The following AGAP1 variants were observed in gnomAD, a reference collection of about 807,000 sequenced individuals.
AGAP1 encodes ArfGAP with GTPase domain, ankyrin repeat and PH domain 1.
Under a neutral mutation model 105.3 loss-of-function variants are expected in AGAP1, and 29 were observed. The ratio of observed to expected loss-of-function variants is 0.28; its 90% CI spans 0.21 to 0.38. The LOEUF is 0.38. Ranked by LOEUF, AGAP1 falls within the 10% of genes least tolerant of loss-of-function variation. AGAP1 has a pLI of 1.00. For missense variants in AGAP1, 998 were observed against 1,165.1 expected, an observed-to-expected ratio of 0.86 and a Z score of 2.09; for synonymous variants, 509 against 485.9, an observed-to-expected ratio of 1.05 and a Z score of -0.63.
intron 11 of AGAP1, among the ~76,000 whole-genome samples, chr2:235,912,397 A>G (rs2125062000): frequency 6.6e-6 from 1 of 152,232 alleles, no homozygotes; most frequent in South Asian, 2.1e-4. Context: ...GGTATTAGAG[A>G]GCTGTTTTTG....
At chr2:235,926,642 A>G (rs756259596) in intron 11 of AGAP1, among the ~76,000 whole-genome samples, 12 of 152,232 alleles carry the variant, frequency 7.9e-5, no homozygotes, top group Non-Finnish European at 1.8e-4. Flanking sequence ...GTGATCTCAA[A>G]TATAGTGAAT....
intron 1 of AGAP1, among the ~76,000 whole-genome samples, chr2:235,572,424 T>C (rs376179795): frequency 6.6e-6 from 1 of 152,130 alleles, no homozygotes; most frequent in African/African-American, 2.4e-5. Context: ...GGGGGTGATA[T>C]CCATCAGCAG....
Position 235,808,396 on chromosome 2 carries a change from G to A in AGAP1, c.1050+1065G>A, listed in dbSNP as rs534087180. On this transcript the variant is annotated intron_variant, in intron 9 of 17. Coordinates refer to ENST00000304032, the MANE Select transcript of AGAP1 (RefSeq NM_001037131.3). ...GAGAGTCTTTCCACACATGGAGTTG[G>A]ATTATTCTGGTGGTGCAGGTTTCGT... Among the ~76,000 whole-genome samples the A allele has an allele frequency of 3.3e-5, 5 of 152,334 alleles. No homozygotes were observed. In the South Asian group the frequency reaches 1.0e-3, roughly 32 times the overall value.
At position 235,544,478 on chromosome 2, in the gene AGAP1, G is replaced by A. The variant is rs541692011; in HGVS notation, c.163+49629G>A. On this transcript the variant is annotated intron_variant, in intron 1 of 17. Transcript: ENST00000304032. ...TTAGGCTGAGCATCTGAACCTTCCCGTGGTCCGTGTGGCTGGAAGGAGGCT... is the reference window on the plus strand; with the variant it reads ...TTAGGCTGAGCATCTGAACCTTCCCATGGTCCGTGTGGCTGGAAGGAGGCT... Among the ~76,000 whole-genome samples, 27 of 152,308 alleles carry A rather than the reference G, an allele frequency of 1.8e-4. 1 individual carries two copies. In the South Asian group the frequency reaches 4.8e-3, roughly 27 times the overall value.
At position 235,976,579 on chromosome 2, in the gene AGAP1, G is replaced by T. The variant is rs1462993920; in HGVS notation, c.1645+7956G>T. Among the ~76,000 whole-genome samples the T allele has an allele frequency of 6.6e-6, 1 of 152,148 alleles. No individual in the cohort carries two copies. Among genetic ancestry groups the T allele is most frequent in the Middle Eastern group, 3.2e-3 (1 of 316 alleles). ...TTTTAACCACACACAAACTTAAAGG[G>T]GTTAGATTCAGGTCCAAAAATGTTC... On this transcript the variant is annotated intron_variant, in intron 13 of 17. Coordinates refer to ENST00000304032, the MANE Select transcript of AGAP1 (RefSeq NM_001037131.3). The surrounding 1 kb of genome is among the most constrained non-coding windows in gnomAD (Gnocchi z 4.5).
chr2:235,886,851 G>A (rs2050298543), intron 10 of AGAP1, among the ~76,000 whole-genome samples: 2 of 152,104 alleles, frequency 1.3e-5, no homozygotes, highest in Non-Finnish European at 2.9e-5. Context: ...GTGTGGAGAG[G>A]CAGTGACTTC....
chr2:235,686,663 A>T (rs887657230), intron 1 of AGAP1, among the ~76,000 whole-genome samples: 16,824 of 58,624 alleles, frequency 0.29, 2,250 homozygotes, highest in African/African-American at 0.4. Context: ...ATATATATAT[A>T]TATTTTTTTT....
Position 235,728,301 on chromosome 2 carries a change from C to CTGTGTGTGTGTGTGTGTGTGTGTG in AGAP1, c.310+10660_310+10683dup, listed in dbSNP as rs143714801. Among the ~76,000 whole-genome samples the CTGTGTGTGTGTGTGTGTGTGTGTG allele has an allele frequency of 3.8e-4, 56 of 148,616 alleles. No homozygotes were observed. The highest frequency in any genetic ancestry group is 1.3e-3 in the African/African-American group (54 of 40,262). On this transcript the variant is annotated intron_variant, in intron 3 of 17. Transcript: ENST00000304032. The surrounding 1 kb of genome is among the most constrained non-coding windows in gnomAD (Gnocchi z 4.3). ...ATCTGAAAAGGACTGGGCCCAGACTCTGTGTGTGTGTGTGTGTGTGTGTGT... is the reference window on the plus strand; with the variant it reads ...ATCTGAAAAGGACTGGGCCCAGACTCTGTGTGTGTGTGTGTGTGTGTGTGTGTGTGTGTGTGTGTGTGTGTGTGT...
At position 235,690,039 on chromosome 2, in the gene AGAP1, A is replaced by C. The variant is rs1949664747; in HGVS notation, c.164-19140A>C. Reference sequence around the variant, plus strand: ...TGATATCACAGCAAATGCAAAGGTGACTGGGAGTTCTAAGCCCCTGGGTGT... The same window carrying C: ...TGATATCACAGCAAATGCAAAGGTGCCTGGGAGTTCTAAGCCCCTGGGTGT... On this transcript the variant is annotated intron_variant, in intron 1 of 17. Coordinates refer to ENST00000304032, the MANE Select transcript of AGAP1 (RefSeq NM_001037131.3). The surrounding 1 kb of genome is among the most constrained non-coding windows in gnomAD (Gnocchi z 4.1). 6.6e-6 allele frequency among the ~76,000 whole-genome samples: 1 copy of C among 152,082 alleles called. No homozygotes were observed. Among genetic ancestry groups the C allele is most frequent in the South Asian group, 2.1e-4 (1 of 4,822 alleles).
chr2:236,102,530 G>A (rs984794234), intron 16 of AGAP1, among the ~76,000 whole-genome samples: 5 of 149,826 alleles, frequency 3.3e-5, no homozygotes, highest in African/African-American at 1.2e-4. Context: ...AGAGGTTGCA[G>A]TGAGCTGAGA....
intron 11 of AGAP1, among the ~76,000 whole-genome samples, chr2:235,928,306 T>C (rs2052552065): frequency 6.6e-6 from 1 of 151,522 alleles, no homozygotes; most frequent in Non-Finnish European, 1.5e-5. Flanking sequence ...CTTCGATGGG[T>C]GGATGTGTGG....
rs758429969 is a variant in AGAP1, at chr2:235,797,016, T to TA, written c.674-742dup. 1.2e-4 allele frequency among the ~76,000 whole-genome samples: 18 copies of TA among 152,332 alleles called. No individual in the cohort carries two copies. In the East Asian group the frequency reaches 2.9e-3, roughly 24 times the overall value. On this transcript the variant is annotated intron_variant, in intron 6 of 17. Transcript: ENST00000304032. Reference sequence around the variant, plus strand: ...AGATTTGTATTGATTAAGATAAACTTACAATGTGTGCAGTCATATATTTAA... The same window carrying TA: ...AGATTTGTATTGATTAAGATAAACTTAACAATGTGTGCAGTCATATATTTAA...
chr2:235,686,548 T>TACAC (rs1460148735), intron 1 of AGAP1, among the ~76,000 whole-genome samples: 1 of 49,240 alleles, frequency 2.0e-5, no homozygotes, highest in South Asian at 5.7e-4. Flanking sequence ...AGGAAGGAGA[T>TACAC]ATATATATAC....
chr2:235,729,511 C>T lies in AGAP1; in HGVS notation c.311-11452C>T, dbSNP rs1049560043. ...GGATGCTGTAGGGGCAGTCTCACGG[C>T]GGTCTCACCTCTGCCACCTGTGGAT... On this transcript the variant is annotated intron_variant, in intron 3 of 17. Transcript: ENST00000304032. The surrounding 1 kb of genome is among the most constrained non-coding windows in gnomAD (Gnocchi z 5.0). Among the ~76,000 whole-genome samples, 1 of 152,066 alleles carries T rather than the reference C, an allele frequency of 6.6e-6. No individual in the cohort carries two copies. Among genetic ancestry groups the T allele is most frequent in the Non-Finnish European group, 1.5e-5 (1 of 68,004 alleles).
At chr2:236,110,432 G>A (rs965388306) in intron 16 of AGAP1, among the ~76,000 whole-genome samples, 10 of 151,996 alleles carry the variant, frequency 6.6e-5, no homozygotes, top group South Asian at 2.1e-4. Context: ...GCGTGGTGAT[G>A]TGCACCTGTA....
chr2:235,686,665 A>ATATATTTT (rs1369766503), intron 1 of AGAP1, among the ~76,000 whole-genome samples: 1 of 77,500 alleles, frequency 1.3e-5, no homozygotes, highest in Non-Finnish European at 2.2e-5. Flanking sequence ...ATATATATAT[A>ATATATTTT]TTTTTTTTTT....
At chr2:235,522,169 C>T (rs1003468767) in intron 1 of AGAP1, among the ~76,000 whole-genome samples, 4 of 152,174 alleles carry the variant, frequency 2.6e-5, no homozygotes, top group South Asian at 2.1e-4. Flanking sequence ...GTTCCTTAAA[C>T]GTCAGTAAAC....
At chr2:235,749,629 G>A (rs1953264020) in intron 5 of AGAP1, among the ~76,000 whole-genome samples, 1 of 151,860 alleles carries the variant, frequency 6.6e-6, no homozygotes, top group Non-Finnish European at 1.5e-5. Flanking sequence ...CTCTGCCTCA[G>A]GCGTTCTGCC....
chr2:236,019,157 C>G (rs2056806620), intron 13 of AGAP1, among the ~76,000 whole-genome samples: 1 of 152,230 alleles, frequency 6.6e-6, no homozygotes. Flanking sequence ...AGGCCCACAT[C>G]TGAGAATGAT....
Sources: allele counts gnomAD v4.1 joint callset (sites outside exome capture counted in the v4.1 genomes callset), GRCh38; gene constraint gnomAD v4.1.1; non-coding constraint Gnocchi (gnomAD v3.1); transcripts MANE v1.5; gene names NCBI Gene and HGNC (gene_info 2026-07-23, HGNC 2026-07-21).